Variants in GRM8 observed in about 807,000 individuals in gnomAD.
GRM8 encodes metabotropic glutamate receptor 8.
GRM8 carries 47 observed loss-of-function variants against 87.2 expected under a neutral mutation model. The observed-to-expected ratio is 0.54, with a 90% confidence interval of 0.43 to 0.69. GRM8 has a LOEUF of 0.69. Ranked by LOEUF, GRM8 falls within the 30% of genes least tolerant of loss-of-function variation. GRM8 has a pLI of 0.00. For missense variants in GRM8, 1,019 were observed against 1,139.2 expected, an observed-to-expected ratio of 0.89 and a Z score of 1.52; for synonymous variants, 396 against 404.5, an observed-to-expected ratio of 0.98 and a Z score of 0.25.
chr7:127,170,901 G>T (rs1240754438), intron 2 of GRM8, among the ~76,000 whole-genome samples: 2 of 152,098 alleles, frequency 1.3e-5, no homozygotes, highest in South Asian at 4.1e-4. Flanking sequence ...TACACTGCTC[G>T]GGTGATGGGT....
chr7:126,802,429 A>G (rs1822818503), intron 6 of GRM8, among the ~76,000 whole-genome samples: 1 of 152,086 alleles, frequency 6.6e-6, no homozygotes, highest in Admixed American at 6.6e-5. Context: ...ATTGTTCAGT[A>G]TTTGTCTTTC....
At chr7:126,554,003 T>C (rs1792874260) in intron 8 of GRM8, among the ~76,000 whole-genome samples, 2 of 152,158 alleles carry the variant, frequency 1.3e-5, no homozygotes, top group South Asian at 4.1e-4. Flanking sequence ...ATTTTTCATT[T>C]TCAATGCCTA....
rs201393605 is a variant in GRM8 at position 126,455,993 on chromosome 7, G to GA, written c.2431-9622dup. The stretch of plus-strand genomic sequence containing the variant: ...ATTATTGTTATCTTAGAGAAGTTTT[G>GA]AAAAAAAAATAACAAATCCATAAAA... On this transcript the variant is annotated intron_variant, in intron 9 of 10. Transcript: ENST00000339582. Among the ~76,000 whole-genome samples the GA allele has an allele frequency of 9.6e-3, 1,423 of 147,948 alleles. 17 individuals carry two copies. The highest frequency in any genetic ancestry group is 0.027 in the African/African-American group (1,090 of 40,502).
intron 3 of GRM8, among the ~76,000 whole-genome samples, chr7:127,054,602 C>T (rs1457180421): frequency 6.6e-6 from 1 of 152,150 alleles, no homozygotes; most frequent in Non-Finnish European, 1.5e-5. Context: ...CAACTAGTAA[C>T]TCGTTGAACA....
chr7:126,867,513 A>G (rs144572339), intron 6 of GRM8, among the ~76,000 whole-genome samples: 1 of 152,224 alleles, frequency 6.6e-6, no homozygotes, highest in African/African-American at 2.4e-5. Flanking sequence ...GCAAAGAAGA[A>G]AAAGCAGAGG....
intron 7 of GRM8, among the ~76,000 whole-genome samples, chr7:126,647,293 GGATAGATAGATAGATAGATAGATA>G (rs58263801): frequency 0.13 from 18,145 of 143,060 alleles, 1,434 homozygotes; most frequent in Non-Finnish European, 0.17. Context: ...ATAAATAGAT[GGATAGATAGATAGATAGATAGATA>G]GATAGATAGA....
intron 3 of GRM8, among the ~76,000 whole-genome samples, chr7:126,957,334 C>T (rs1341199475): frequency 6.6e-6 from 1 of 152,210 alleles, no homozygotes; most frequent in African/African-American, 2.4e-5. Flanking sequence ...TCTGGAGCAG[C>T]TGTGGCAGGG....
intron 7 of GRM8, among the ~76,000 whole-genome samples, chr7:126,755,138 C>T (rs1816860755): frequency 6.6e-6 from 1 of 151,960 alleles, no homozygotes. Context: ...ATAAAAATCT[C>T]ATTTTTTTAA....
intron 6 of GRM8, among the ~76,000 whole-genome samples, chr7:126,847,316 G>T (rs535631229): frequency 6.6e-6 from 1 of 152,264 alleles, no homozygotes; most frequent in East Asian, 1.9e-4. Context: ...AACCTCCTAG[G>T]ATTAGGCAGG....
chr7:127,110,289 C>G (rs958857334), intron 2 of GRM8, among the ~76,000 whole-genome samples: 3 of 152,124 alleles, frequency 2.0e-5, no homozygotes, highest in Non-Finnish European at 4.4e-5. Flanking sequence ...TATGACAAGT[C>G]TCTGTAGAAG....
intron 1 of GRM8, among the ~76,000 whole-genome samples, chr7:127,245,299 C>T (rs1318441424): frequency 1.3e-5 from 2 of 152,196 alleles, no homozygotes; most frequent in Non-Finnish European, 2.9e-5. Flanking sequence ...ACCAATTCCA[C>T]GTGGCTGAGC....
chr7:126,971,600 G>A (rs1002383876), intron 3 of GRM8, among the ~76,000 whole-genome samples: 10 of 152,142 alleles, frequency 6.6e-5, no homozygotes, highest in African/African-American at 1.7e-4. Flanking sequence ...ACACTACAAT[G>A]GTAGCCACCT....
At chr7:127,152,651 G>T (rs1792467984) in intron 2 of GRM8, among the ~76,000 whole-genome samples, 3 of 152,098 alleles carry the variant, frequency 2.0e-5, no homozygotes, top group African/African-American at 4.8e-5. Flanking sequence ...GTGTCCTTAG[G>T]TGACTCTTCC....
intron 3 of GRM8, among the ~76,000 whole-genome samples, chr7:127,023,826 C>T (rs938499117): frequency 6.6e-6 from 1 of 151,990 alleles, no homozygotes; most frequent in African/African-American, 2.4e-5. Flanking sequence ...GTGAGGCCCT[C>T]CATAAATAGA....
intron 2 of GRM8, among the ~76,000 whole-genome samples, chr7:127,238,682 G>C (rs1798123519): frequency 6.6e-6 from 1 of 152,194 alleles, no homozygotes; most frequent in Non-Finnish European, 1.5e-5. Context: ...GTTGTGTCCA[G>C]CTCCAGGCCC....
At chr7:126,880,497 G>C (rs554263917) in intron 6 of GRM8, among the ~76,000 whole-genome samples, 31 of 152,254 alleles carry the variant, frequency 2.0e-4, no homozygotes, top group Middle Eastern at 3.4e-3. Context: ...AAGTCCAAGA[G>C]CTAGAAATGA....
chr7:127,136,023 A>T (rs1827929596), intron 2 of GRM8, among the ~76,000 whole-genome samples: 1 of 152,180 alleles, frequency 6.6e-6, no homozygotes, highest in Non-Finnish European at 1.5e-5. Context: ...CATTAAGATA[A>T]AATCAGACAA....
chr7:126,507,922 G>C (rs922374307), intron 9 of GRM8, among the ~76,000 whole-genome samples: 2 of 151,640 alleles, frequency 1.3e-5, no homozygotes, highest in African/African-American at 2.4e-5. Flanking sequence ...TCATCTCTGG[G>C]GTCTGGGTTC....
intron 3 of GRM8, among the ~76,000 whole-genome samples, chr7:126,958,596 C>G (rs1040704871): frequency 6.6e-6 from 1 of 152,126 alleles, no homozygotes. Context: ...CCCGGCCCGC[C>G]CTTAGCAGGT....
Sources: gnomAD v4.1 joint callset for allele counts (sites outside exome capture counted in the v4.1 genomes callset) on GRCh38, gnomAD v4.1.1 for gene constraint, MANE v1.5 for transcripts, NCBI Gene and HGNC (gene_info 2026-07-23, HGNC 2026-07-21) for gene names.